Variants in CNOT1 observed in about 807,000 individuals in gnomAD.
CNOT1 encodes the protein CCR4-NOT transcription complex subunit 1.
Under a neutral mutation model 273.8 loss-of-function variants are expected in CNOT1, and 15 were observed. That is an observed-to-expected ratio of 0.05 (90% CI 0.04 to 0.08). The LOEUF (loss-of-function observed/expected upper bound fraction) is 0.08, where lower values mean the gene tolerates loss of function less well. Ranked by LOEUF, CNOT1 falls within the 10% of genes least tolerant of loss-of-function variation. CNOT1 has a pLI of 1.00. For synonymous variants in CNOT1, 1,022 were observed against 1,005.5 expected (o/e 1.02, Z -0.31); for missense variants, 1,644 against 2,912.2 (o/e 0.56, Z 10.02).
intron 44 of CNOT1, chr16:58,528,096 G>A (rs2039660709): frequency 4.4e-6 from 2 of 456,886 alleles, no homozygotes; most frequent in Non-Finnish European, 8.8e-6. Flanking sequence ...CTGGGTCACA[G>A]AGTAAGACTC....
intron 18 of CNOT1, 82 bp from the exon 19 acceptor site, chr16:58,557,075 C>G (rs2040655638): frequency 6.7e-7 from 1 of 1,486,474 alleles, no homozygotes; most frequent in African/African-American, 1.4e-5. Flanking sequence ...ATTAATAAGA[C>G]AGACTTTTAA....
intron 22 of CNOT1, among the ~76,000 whole-genome samples, chr16:58,552,419 C>T (rs1047465355): frequency 1.2e-4 from 19 of 152,088 alleles, no homozygotes; most frequent in East Asian, 1.9e-4. Context: ...TAGCCCTTTA[C>T]GCTGATAAAG....
At chr16:58,569,249 A>G (rs1391528976) in intron 16 of CNOT1, among the ~76,000 whole-genome samples, 1 of 152,062 alleles carries the variant, frequency 6.6e-6, no homozygotes. Flanking sequence ...CAGCCTCCCA[A>G]GTAGCTGGGA....
At chr16:58,544,857 A>G (rs574618803) in intron 30 of CNOT1, among the ~76,000 whole-genome samples, 9 of 152,342 alleles carry the variant, frequency 5.9e-5, no homozygotes, top group African/African-American at 2.2e-4. Context: ...GTCATCTTAC[A>G]TGACCATATT....
Position 58,538,855 on chromosome 16 carries a change from G to A in CNOT1, c.5052C>T (p.Tyr1684=), listed in dbSNP as rs2039994131. Residue 1684 remains tyrosine, a synonymous_variant, in exon 36 of 49, where the codon TAC becomes TAT. Transcript: ENST00000317147. ...TTAGGACCAAGAGGTGGCATTCCCT[G>A]TAGCGCAGCAGAAGGTCAGCATCAG... ...SGADADLLLR[Y]RECHLLVLKA... 6.2e-7 allele frequency: 1 copy of A among 1,610,792 alleles called. No homozygotes were observed. The highest frequency in any genetic ancestry group is 8.5e-7 in the Non-Finnish European group (1 of 1,179,514).
At chr16:58,591,149 A>G (rs765963016) in intron 2 of CNOT1, among the ~76,000 whole-genome samples, 1 of 152,244 alleles carries the variant, frequency 6.6e-6, no homozygotes, top group Admixed American at 6.5e-5. Context: ...GCAAAAGCAC[A>G]GAGACAGAAA....
intron 1 of CNOT1, among the ~76,000 whole-genome samples, chr16:58,627,375 A>G (rs955735114): frequency 8.2e-6 from 1 of 121,688 alleles, no homozygotes; most frequent in Non-Finnish European, 1.6e-5. Context: ...GCTGCACTCC[A>G]GCCTGGTGAC....
intron 39 of CNOT1, among the ~76,000 whole-genome samples, chr16:58,535,058 G>C (rs1269817771): frequency 1.3e-5 from 2 of 152,174 alleles, no homozygotes; most frequent in East Asian, 3.9e-4. Context: ...AAGCACAGTG[G>C]GAATGTTATT....
intron 2 of CNOT1, among the ~76,000 whole-genome samples, chr16:58,598,707 G>T (rs2042355760): frequency 6.6e-6 from 1 of 151,466 alleles, no homozygotes; most frequent in Non-Finnish European, 1.5e-5. Context: ...CCAGCCCAAA[G>T]CCAGGTCAGA....
rs758671292 is a variant in CNOT1 at position 58,546,544 on chromosome 16, A to C, written c.3829-46T>G. 2.9e-5 allele frequency: 46 copies of C among 1,600,478 alleles called. 1 individual carries two copies. The South Asian group carries it at 4.9e-4, about 17-fold the overall frequency. On this transcript the variant is annotated intron_variant, in intron 28 of 48. Transcript: ENST00000317147. ...ATTAGAATTTTTAAAAGAAAACTTT[A>C]GTTTTACTCATAATATACTCTACTT...
chr16:58,584,983 CAG>C (rs1468314806), intron 8 of CNOT1, among the ~76,000 whole-genome samples: 2 of 152,050 alleles, frequency 1.3e-5, no homozygotes, highest in African/African-American at 4.8e-5. Context: ...GGGTGGGGGT[CAG>C]AGAGGAGAAA....
In CNOT1 at chr16:58,534,639, C is replaced by T. The variant is rs76787333; in HGVS notation, c.5647-244G>A. On this transcript the variant is annotated intron_variant, in intron 39 of 48. Transcript: ENST00000317147. Reference sequence around the variant, plus strand: ...GAAACTGACAGACAGATTATCATGGCAATTTTGAACAGTAGGTCCCCACCA... The same window carrying T: ...GAAACTGACAGACAGATTATCATGGTAATTTTGAACAGTAGGTCCCCACCA... 2.0e-5 allele frequency among the ~76,000 whole-genome samples: 3 copies of T among 152,250 alleles called. No homozygotes were observed. In the East Asian group the frequency reaches 5.8e-4, roughly 29 times the overall value.
intron 11 of CNOT1, 129 bp downstream of exon 11, chr16:58,581,216 C>T: frequency 9.3e-7 from 1 of 1,075,844 alleles, no homozygotes; most frequent in Non-Finnish European, 1.3e-6. Flanking sequence ...ATGGACAGTC[C>T]TTGCTTTTCT....
rs755228454 is a variant in CNOT1, at chr16:58,537,965, A to G, written c.5340T>C (p.Thr1780=). The change falls in exon 38 of 49, where the codon ACT becomes ACC. Residue 1780 remains threonine (T), a synonymous_variant. Transcript: ENST00000317147. Reference sequence around the variant, plus strand: ...CAATGGTGTGGAACAGATCTGCCTCAGTAACATGAGCAACACTCCTTTCAT... The same window carrying G: ...CAATGGTGTGGAACAGATCTGCCTCGGTAACATGAGCAACACTCCTTTCAT... ...LVDERSVAHV[T]EADLFHTIET... is the part of the protein sequence containing the mutation. 6.2e-7 allele frequency: 1 copy of G among 1,614,210 alleles called. No individual in the cohort carries two copies. The highest frequency in any genetic ancestry group is 8.5e-7 in the Non-Finnish European group (1 of 1,180,042).
rs374775718 is a variant in CNOT1 at position 58,613,109 on chromosome 16, G to A, written c.-174-13598C>T. Among the ~76,000 whole-genome samples the A allele has an allele frequency of 1.8e-4, 28 of 152,252 alleles. No homozygotes were observed. In the East Asian group the frequency reaches 4.6e-3, roughly 25 times the overall value. On this transcript the variant is annotated intron_variant, in intron 1 of 48. Coordinates refer to ENST00000317147, the MANE Select transcript of CNOT1 (RefSeq NM_016284.5). ...TGCAGTGGCATGACCTTGGCTCACT[G>A]TAACCTCCCCCTCCCAGGTTCAAGC... is the stretch of plus-strand genomic sequence containing the variant.
At chr16:58,614,009 G>T (rs865872742) in intron 1 of CNOT1, among the ~76,000 whole-genome samples, 4 of 113,912 alleles carry the variant, frequency 3.5e-5, no homozygotes, top group African/African-American at 8.9e-5. Flanking sequence ...GGAGAATGGC[G>T]TGAACCCGGG....
At chr16:58,568,250 C>A (rs186122858) in intron 16 of CNOT1, among the ~76,000 whole-genome samples, 1 of 152,140 alleles carries the variant, frequency 6.6e-6, no homozygotes, top group Admixed American at 6.5e-5. Flanking sequence ...TGCCTGTAAT[C>A]CTAGCTACTC....
chr16:58,553,448 A>G (rs2040521716), intron 22 of CNOT1, among the ~76,000 whole-genome samples: 1 of 152,186 alleles, frequency 6.6e-6, no homozygotes, highest in Non-Finnish European at 1.5e-5. Flanking sequence ...ATTCCCTTTT[A>G]GCATCAGGCA....
intron 1 of CNOT1, among the ~76,000 whole-genome samples, chr16:58,627,551 G>C (rs1047601029): frequency 6.6e-6 from 1 of 151,052 alleles, no homozygotes; most frequent in Admixed American, 6.6e-5. Flanking sequence ...TGTTTTCATA[G>C]CTTTTTTTAA....
Sources: allele counts gnomAD v4.1 joint callset (sites outside exome capture counted in the v4.1 genomes callset), GRCh38; gene constraint gnomAD v4.1.1; transcripts MANE v1.5; gene names NCBI Gene and HGNC (gene_info 2026-07-23, HGNC 2026-07-21).